The following SF3B3 variants were observed in gnomAD, a reference collection of about 807,000 sequenced individuals.
SF3B3 encodes the protein splicing factor 3b subunit 3, also known as SAP 130.
SF3B3 carries 33 observed loss-of-function variants against 139.2 expected under a neutral mutation model. The observed-to-expected ratio is 0.24, with a 90% CI of 0.18 to 0.32. The LOEUF is 0.32. Ranked by LOEUF, SF3B3 falls within the 10% of genes least tolerant of loss-of-function variation. The probability of loss-of-function intolerance (pLI) is 1.00; values close to 1 mark genes in which losing one functional copy is unlikely to be tolerated. For synonymous variants in SF3B3, 596 were observed against 563.6 expected (o/e 1.06, Z -0.81); for missense variants, 818 against 1,509.4 (o/e 0.54, Z 7.59).
chr16:70,543,056 A>AT (rs1470354875), intron 9 of SF3B3, among the ~76,000 whole-genome samples: 9 of 152,052 alleles, frequency 5.9e-5, no homozygotes, highest in East Asian at 1.9e-4. Flanking sequence ...ATTTTTAGTG[A>AT]TTTTTTTCAC....
In SF3B3 at chr16:70,526,643, G is replaced by A; in HGVS notation, c.-14G>A. 4 of 1,610,600 alleles carry A rather than the reference G, an allele frequency of 2.5e-6. No homozygotes were observed. The South Asian group carries it at 3.3e-5, about 13-fold the overall frequency. ...AAGGCCTGGAGGTCTGGGTGGCTCAGGTTTCCTGCAGCCATGTTTCTGTAC... is the reference window on the plus strand; with the variant it reads ...AAGGCCTGGAGGTCTGGGTGGCTCAAGTTTCCTGCAGCCATGTTTCTGTAC... On this transcript the variant is annotated 5_prime_UTR_variant, in exon 2 of 26. Coordinates refer to ENST00000302516, the MANE Select transcript of SF3B3 (RefSeq NM_012426.5).
chr16:70,549,142 T>G (rs1278174755), intron 11 of SF3B3, among the ~76,000 whole-genome samples: 1 of 152,240 alleles, frequency 6.6e-6, no homozygotes, highest in Non-Finnish European at 1.5e-5. Context: ...TGGAGCTACG[T>G]TTTTCTCTTG....
intron 11 of SF3B3, chr16:70,550,685 A>G (rs1479830207): frequency 9.1e-6 from 9 of 984,618 alleles, no homozygotes; most frequent in Non-Finnish European, 1.1e-5. Flanking sequence ...ACAGGTGTGT[A>G]CCTAACTGCT....
chr16:70,538,005 C>T (rs751057248), intron 6 of SF3B3: 1 of 551,186 alleles, frequency 1.8e-6, no homozygotes, highest in Non-Finnish European at 3.6e-6. Context: ...CAGTGTTTCA[C>T]AGCCTGAAAT....
At chr16:70,568,628 C>A in intron 22 of SF3B3, 133 bp downstream of exon 22, 1 of 688,492 alleles carries the variant, frequency 1.5e-6, no homozygotes, top group Non-Finnish European at 2.5e-6. Context: ...CTAAAGCTAA[C>A]TCTACAAGCA....
At chr16:70,532,676 A>T in intron 5 of SF3B3, 56 bp downstream of exon 5, 1 of 1,547,344 alleles carries the variant, frequency 6.5e-7, no homozygotes, top group South Asian at 1.1e-5. Context: ...TTTATGCCCA[A>T]ACCTAATAGG....
intron 5 of SF3B3, 27 bp downstream of exon 5, chr16:70,532,647 A>G (rs749623679): frequency 6.2e-7 from 1 of 1,611,962 alleles, no homozygotes; most frequent in African/African-American, 1.3e-5. Flanking sequence ...GCTGCTTTGT[A>G]CCCTTTTACT....
chr16:70,560,668 GCTT>G, intron 16 of SF3B3, 77 bp downstream of exon 16: 4 of 1,520,092 alleles, frequency 2.6e-6, no homozygotes, highest in Non-Finnish European at 3.6e-6. Flanking sequence ...TTTGCTGTAA[GCTT>G]CACTGTCACT....
intron 11 of SF3B3, among the ~76,000 whole-genome samples, chr16:70,553,264 C>G (rs1459759262): frequency 6.6e-6 from 1 of 152,084 alleles, no homozygotes; most frequent in African/African-American, 2.4e-5. Flanking sequence ...GTAAAGAATG[C>G]TGATTCTGCA....
chr16:70,546,466 A>G (rs1597714675), intron 10 of SF3B3, among the ~76,000 whole-genome samples: 1 of 152,324 alleles, frequency 6.6e-6, no homozygotes, highest in Middle Eastern at 3.4e-3. Context: ...AGCCTGGCCA[A>G]CATGGTGAAA....
At chr16:70,548,546 A>G in intron 11 of SF3B3, 104 bp downstream of exon 11, 1 of 985,854 alleles carries the variant, frequency 1.0e-6, no homozygotes, top group Non-Finnish European at 1.6e-6. Flanking sequence ...TTCATTTAGC[A>G]CCATATACCA....
Position 70,567,628 on chromosome 16 carries a change from T to A in SF3B3, c.2952+92T>A, listed in dbSNP as rs894743356. The stretch of plus-strand genomic sequence containing the variant: ...GTGGGCATTGAGTTTTAAAATCTTA[T>A]CTTTATTAGGACTTGTTGTGTTACC... On this transcript the variant is annotated intron_variant, in intron 21 of 25. Transcript: ENST00000302516. The A allele has an allele frequency of 9.2e-6, 13 of 1,418,008 alleles. No homozygotes were observed. In the African/African-American group the frequency reaches 1.9e-4, roughly 20 times the overall value. The allele number at this position is 1,418,008 out of a possible 1,614,324, so 87.8% of individuals were successfully genotyped here. A position where few individuals can be genotyped will look rare whatever the true frequency, so the allele number is the denominator to read the frequency against.
chr16:70,535,434 TATAAG>T lies in SF3B3; in HGVS notation c.825+16_825+20del, dbSNP rs746050199. The T allele has an allele frequency of 5.0e-6, 7 of 1,412,392 alleles. No individual in the cohort carries two copies. Among genetic ancestry groups the T allele is most frequent in the Admixed American group, 1.8e-5 (1 of 57,110 alleles). 87.5% of individuals were successfully genotyped at this position (1,412,392 alleles called of 1,614,324 possible). On this transcript the variant is annotated intron_variant, in intron 6 of 25. Transcript: ENST00000302516. The stretch of plus-strand genomic sequence containing the variant: ...CCCAGGAGGCGGGTAAGATCTTTGA[TATAAG>T]AAGAGAGAGATTTGTGTTTAATTTT...
intron 5 of SF3B3, 64 bp downstream of exon 5, chr16:70,532,684 A>G (rs1225629448): frequency 2.7e-6 from 4 of 1,503,910 alleles, no homozygotes; most frequent in South Asian, 1.2e-5. Context: ...CAAACCTAAT[A>G]GGTTTTACTT....
At chr16:70,531,376 T>C (rs1346916633) in intron 4 of SF3B3, among the ~76,000 whole-genome samples, 1 of 152,144 alleles carries the variant, frequency 6.6e-6, no homozygotes, top group Non-Finnish European at 1.5e-5. Flanking sequence ...CAATCTCAGC[T>C]CGCTGCAACC....
chr16:70,565,580 T>G, intron 20 of SF3B3, 56 bp downstream of exon 20: 1 of 1,520,554 alleles, frequency 6.6e-7, no homozygotes, highest in Non-Finnish European at 9.0e-7. Context: ...TTCTCTCACT[T>G]TTGCTTATGT....
rs2050112790 is a variant in SF3B3, at chr16:70,530,653, TAAAAG to T, written c.398-86_398-82del. ...TAGAGTTACTGCTGTTAATAATGATTAAAAGAAAAGCATGATGTGACTCTAGCTGT... is the reference window on the plus strand; with the variant it reads ...TAGAGTTACTGCTGTTAATAATGATTAAAAGCATGATGTGACTCTAGCTGT... On this transcript the variant is annotated intron_variant, in intron 3 of 25. Transcript: ENST00000302516. 8.3e-6 allele frequency: 9 copies of T among 1,087,362 alleles called. No individual in the cohort carries two copies. The South Asian group carries it at 1.4e-4, about 17-fold the overall frequency. 67.4% of individuals were successfully genotyped at this position (1,087,362 alleles called of 1,614,324 possible).
At chr16:70,532,443 G>T in intron 4 of SF3B3, 36 bp from the exon 5 acceptor site, 2 of 1,602,088 alleles carry the variant, frequency 1.2e-6, no homozygotes, top group Middle Eastern at 1.7e-4. Flanking sequence ...TCGATTTTAT[G>T]CTGATGATTA....
intron 11 of SF3B3, among the ~76,000 whole-genome samples, chr16:70,552,838 A>G (rs2050340453): frequency 6.6e-6 from 1 of 152,254 alleles, no homozygotes; most frequent in African/African-American, 2.4e-5. Context: ...TGAAGTGCCT[A>G]TTGTGCAACA....
Sources: allele counts gnomAD v4.1 joint callset (sites outside exome capture counted in the v4.1 genomes callset), GRCh38; gene constraint gnomAD v4.1.1; transcripts MANE v1.5; gene names NCBI Gene and HGNC (gene_info 2026-07-23, HGNC 2026-07-21).